Variants in PSD3 observed in about 807,000 individuals in gnomAD.
PSD3 encodes the protein pleckstrin and Sec7 domain containing 3.
Under a neutral mutation model 105.5 loss-of-function variants are expected in PSD3, and 49 were observed. That is an observed-to-expected ratio of 0.46 (90% CI 0.37 to 0.59). The LOEUF is 0.59. Ranked by LOEUF, PSD3 falls within the 20% of genes least tolerant of loss-of-function variation. The pLI, the probability that PSD3 is intolerant of heterozygous loss-of-function variation, is 0.00. For missense variants in PSD3, 1,561 were observed against 1,263.8 expected (o/e 1.24, Z -3.57); for synonymous variants, 557 against 457.8 (o/e 1.22, Z -2.77).
intron 2 of PSD3, among the ~76,000 whole-genome samples, chr8:18,916,424 A>G (rs191657779): frequency 1.3e-5 from 2 of 150,092 alleles, no homozygotes; most frequent in East Asian, 4.0e-4. Flanking sequence ...AAATCCCATC[A>G]TTTGTGACAA....
chr8:18,799,113 C>G lies in PSD3; in HGVS notation c.2082+182G>C, dbSNP rs574709760. On this transcript the variant is annotated intron_variant, in intron 8 of 15. Transcript: ENST00000327040. ...CCAGGACGATGGATTTAAAGTCATACTCTGTGCTAGCATGTGAAATAAAAA... is the reference window on the plus strand; with the variant it reads ...CCAGGACGATGGATTTAAAGTCATAGTCTGTGCTAGCATGTGAAATAAAAA... The G allele has an allele frequency of 5.3e-6, 3 of 569,984 alleles. No homozygotes were observed. The East Asian group carries it at 9.6e-5, about 18-fold the overall frequency. 35.3% of individuals were successfully genotyped at this position (569,984 alleles called of 1,614,324 possible).
At chr8:19,010,260 G>C (rs559077332) in intron 1 of PSD3, among the ~76,000 whole-genome samples, 13 of 152,276 alleles carry the variant, frequency 8.5e-5, no homozygotes, top group African/African-American at 3.1e-4. Context: ...CACCAAGAGA[G>C]AAAATGCTCT....
intron 1 of PSD3, among the ~76,000 whole-genome samples, chr8:18,977,999 T>C (rs1825035882): frequency 1.3e-5 from 2 of 152,162 alleles, no homozygotes; most frequent in African/African-American, 4.8e-5. Context: ...TGAGAACCCA[T>C]ACGTTCGATA....
At chr8:18,901,908 G>C (rs1819526409) in intron 2 of PSD3, among the ~76,000 whole-genome samples, 1 of 152,068 alleles carries the variant, frequency 6.6e-6, no homozygotes, top group Admixed American at 6.6e-5. Context: ...TAGTCTAATG[G>C]AGAGTCCCTT....
At chr8:18,783,561 T>G (rs1169545520) in intron 8 of PSD3, among the ~76,000 whole-genome samples, 2 of 152,234 alleles carry the variant, frequency 1.3e-5, no homozygotes, top group Non-Finnish European at 2.9e-5. Context: ...ATACAGCAAT[T>G]TAGAGCAATA....
rs149863569 is a variant in PSD3 at position 18,600,924 on chromosome 8, C to A, written c.2411-490G>T. 5.3e-5 allele frequency among the ~76,000 whole-genome samples: 8 copies of A among 152,270 alleles called. No homozygotes were observed. The East Asian group carries it at 1.4e-3, about 26-fold the overall frequency. ...CACTTTTGGCATTTCTCCCATACCCCCCTCAACCAGAGTGCAAGTTTAAAT... is the reference window on the plus strand; with the variant it reads ...CACTTTTGGCATTTCTCCCATACCCACCTCAACCAGAGTGCAAGTTTAAAT... On this transcript the variant is annotated intron_variant, in intron 11 of 15. Transcript: ENST00000327040.
At chr8:18,544,391 C>G (rs949968475) in intron 15 of PSD3, among the ~76,000 whole-genome samples, 10 of 151,702 alleles carry the variant, frequency 6.6e-5, no homozygotes, top group African/African-American at 2.4e-4. Flanking sequence ...GAAAGCTATG[C>G]TGGAAATAAC....
intron 1 of PSD3, among the ~76,000 whole-genome samples, chr8:18,975,584 T>C (rs1824901862): frequency 6.6e-6 from 1 of 152,164 alleles, no homozygotes; most frequent in African/African-American, 2.4e-5. Flanking sequence ...AGTATAAAGG[T>C]TGACTTATGA....
At chr8:18,818,116 G>C (rs2129448991) in intron 4 of PSD3, among the ~76,000 whole-genome samples, 1 of 152,142 alleles carries the variant, frequency 6.6e-6, no homozygotes, top group Admixed American at 6.5e-5. Context: ...ACTACGCTTG[G>C]CTAATTTTTT....
intron 1 of PSD3, among the ~76,000 whole-genome samples, chr8:19,037,534 C>T (rs1827984735): frequency 1.3e-5 from 2 of 152,172 alleles, no homozygotes; most frequent in South Asian, 4.1e-4. Context: ...AGGGTGTTTC[C>T]AGAAGAGATT....
intron 1 of PSD3, among the ~76,000 whole-genome samples, chr8:18,996,947 C>A (rs1256980717): frequency 6.6e-6 from 1 of 151,886 alleles, no homozygotes; most frequent in Non-Finnish European, 1.5e-5. Flanking sequence ...TCTGACTCAT[C>A]TTGCTTGAAG....
intron 1 of PSD3, among the ~76,000 whole-genome samples, chr8:18,985,931 G>A (rs1383971218): frequency 6.6e-6 from 1 of 151,372 alleles, no homozygotes; most frequent in African/African-American, 2.4e-5. Context: ...TATTATTATA[G>A]TTTGCTGTCA....
chr8:18,703,887 A>G (rs149482356), intron 9 of PSD3, among the ~76,000 whole-genome samples: 1 of 152,310 alleles, frequency 6.6e-6, no homozygotes, highest in Admixed American at 6.5e-5. Flanking sequence ...CACATTAACC[A>G]AAGTGCTTTT....
At chr8:18,944,030 C>T (rs918007363) in intron 1 of PSD3, among the ~76,000 whole-genome samples, 4 of 152,152 alleles carry the variant, frequency 2.6e-5, no homozygotes, top group Admixed American at 1.3e-4. Context: ...TTCCACGTGG[C>T]TATTACCACC....
intron 1 of PSD3, among the ~76,000 whole-genome samples, chr8:18,980,847 A>AT (rs1825214556): frequency 2.6e-5 from 4 of 152,198 alleles, no homozygotes; most frequent in African/African-American, 9.6e-5. Flanking sequence ...CTAATTCGGA[A>AT]CACTGAGTGC....
At chr8:18,575,405 T>A (rs1802407905) in intron 12 of PSD3, 120 bp from the exon 13 acceptor site, 1 of 963,258 alleles carries the variant, frequency 1.0e-6, no homozygotes, top group Admixed American at 3.4e-5. Context: ...ATGAAAAAAA[T>A]GAAACAAACG....
chr8:18,931,726 C>T (rs914621149), intron 2 of PSD3, among the ~76,000 whole-genome samples: 3 of 152,220 alleles, frequency 2.0e-5, no homozygotes, highest in African/African-American at 7.2e-5. Context: ...CTCCTTCCTC[C>T]GTTAGTCATC....
chr8:18,842,320 G>A (rs1288670526), intron 4 of PSD3, among the ~76,000 whole-genome samples: 1 of 152,238 alleles, frequency 6.6e-6, no homozygotes, highest in Non-Finnish European at 1.5e-5. Flanking sequence ...CTTTTGCGCT[G>A]TAGAGACTAC....
intron 4 of PSD3, among the ~76,000 whole-genome samples, chr8:18,863,726 T>C (rs1816624025): frequency 6.6e-6 from 1 of 152,174 alleles, no homozygotes; most frequent in South Asian, 2.1e-4. Context: ...ACAAAGGTAT[T>C]TAATACTTTT....
Sources: allele counts gnomAD v4.1 joint callset (sites outside exome capture counted in the v4.1 genomes callset), GRCh38; gene constraint gnomAD v4.1.1; transcripts MANE v1.5; gene names NCBI Gene and HGNC (gene_info 2026-07-23, HGNC 2026-07-21).